RDX: variants seen among roughly 807,000 people sequenced by gnomAD.
RDX encodes the protein radixin, also known as deafness, autosomal recessive 24.
RDX carries 32 observed loss-of-function variants against 83.7 expected under a neutral mutation model. The ratio of observed to expected loss-of-function variants is 0.38; its 90% confidence interval spans 0.29 to 0.51. The LOEUF (loss-of-function observed/expected upper bound fraction) is 0.51, where lower values mean the gene tolerates loss of function less well. Among genes scored for constraint, RDX ranks in the 20% least tolerant of loss-of-function variants. The pLI is 0.87. For synonymous variants in RDX, 229 were observed against 222.7 expected (o/e 1.03, Z -0.25); for missense variants, 600 against 689.9 (o/e 0.87, Z 1.46).
chr11:110,268,406 C>T (rs996411436), intron 3 of RDX, among the ~76,000 whole-genome samples: 1 of 151,134 alleles, frequency 6.6e-6, no homozygotes, highest in African/African-American at 2.4e-5. Context: ...CAATGTCAAA[C>T]AATGAAAAAT....
At chr11:110,206,960 C>A (rs561302946) in intron 14 of RDX, among the ~76,000 whole-genome samples, 1 of 141,032 alleles carries the variant, frequency 7.1e-6, no homozygotes, top group African/African-American at 2.6e-5. Flanking sequence ...CTTTAAAACA[C>A]GCAATTATTT....
At chr11:110,244,707 T>TTA (rs1865239615) in intron 10 of RDX, among the ~76,000 whole-genome samples, 1 of 152,190 alleles carries the variant, frequency 6.6e-6, no homozygotes, top group Non-Finnish European at 1.5e-5. Flanking sequence ...AAATGGGTAA[T>TTA]TACATGGTGT....
chr11:110,211,339 C>T (rs1378165709), intron 14 of RDX, among the ~76,000 whole-genome samples: 6 of 151,882 alleles, frequency 4.0e-5, no homozygotes, highest in Admixed American at 6.6e-5. Context: ...TAAAGCAAGT[C>T]GTGAGTGACC....
chr11:110,237,805 C>T (rs1485816369), intron 10 of RDX, 153 bp from the exon 11 acceptor site: 1 of 875,768 alleles, frequency 1.1e-6, no homozygotes, highest in South Asian at 1.3e-5. Flanking sequence ...TTTCTTGAGA[C>T]AGGGTCTCGC....
chr11:110,243,510 AG>A (rs1252199079), intron 10 of RDX, among the ~76,000 whole-genome samples: 2 of 152,202 alleles, frequency 1.3e-5, no homozygotes, highest in Non-Finnish European at 2.9e-5. Context: ...TGAGGCCAGG[AG>A]TTGGAGACCA....
At chr11:110,291,563 T>C (rs1322327358) in intron 1 of RDX, among the ~76,000 whole-genome samples, 2 of 152,006 alleles carry the variant, frequency 1.3e-5, no homozygotes, top group Non-Finnish European at 2.9e-5. Flanking sequence ...CCTGTCTGGA[T>C]GGGATGCAGC....
chr11:110,211,577 C>T (rs1472925483), intron 14 of RDX, among the ~76,000 whole-genome samples: 3 of 151,308 alleles, frequency 2.0e-5, no homozygotes, highest in Admixed American at 1.3e-4. Context: ...TGACCACATA[C>T]TGGGAAGTAA....
rs564126543 is a variant in RDX at position 110,209,142 on chromosome 11, G to C, written c.1749-9464C>G. 2.0e-5 allele frequency among the ~76,000 whole-genome samples: 3 copies of C among 152,312 alleles called. No individual in the cohort carries two copies. The East Asian group carries it at 5.8e-4, about 29-fold the overall frequency. On this transcript the variant is annotated intron_variant, in intron 14 of 15. Coordinates refer to the RDX transcript ENST00000528498. ...GTCAGTGGATGCGCGCACCGTGCGC[G>C]AGCTGAAGCAGGGCGAGGCATTGCC...
intron 11 of RDX, among the ~76,000 whole-genome samples, chr11:110,237,194 C>T (rs969614524): frequency 2.0e-5 from 3 of 150,152 alleles, no homozygotes; most frequent in African/African-American, 7.4e-5. Context: ...GCAAAAGACG[C>T]CAACTGACTT....
At chr11:110,283,136 T>C (rs1860831947) in intron 1 of RDX, among the ~76,000 whole-genome samples, 1 of 152,188 alleles carries the variant, frequency 6.6e-6, no homozygotes, top group Non-Finnish European at 1.5e-5. Context: ...AATGAAAATG[T>C]AGAGGTTTTG....
intron 14 of RDX, among the ~76,000 whole-genome samples, chr11:110,206,099 T>TA (rs937496617): frequency 7.9e-5 from 12 of 151,330 alleles, no homozygotes; most frequent in African/African-American, 1.5e-4. Flanking sequence ...CTACTAAAAA[T>TA]AAAAAAAATT....
At chr11:110,200,540 T>A (rs11603058) in intron 14 of RDX, among the ~76,000 whole-genome samples, 3,894 of 152,316 alleles carry the variant, frequency 0.026, 74 homozygotes, top group South Asian at 0.039. Context: ...TTACTAGCAA[T>A]CTCTATCTTA....
intron 3 of RDX, among the ~76,000 whole-genome samples, chr11:110,271,295 T>C (rs1004654827): frequency 6.6e-6 from 1 of 152,204 alleles, no homozygotes; most frequent in African/African-American, 2.4e-5. Flanking sequence ...GTATCTAGTG[T>C]TACTTACTGC....
intron 14 of RDX, among the ~76,000 whole-genome samples, chr11:110,210,502 C>G (rs1863792568): frequency 6.7e-6 from 1 of 150,246 alleles, no homozygotes; most frequent in Admixed American, 6.6e-5. Context: ...CACAAAGATA[C>G]TCCTCGAGAA....
chr11:110,262,517 G>A (rs565173926), intron 5 of RDX, among the ~76,000 whole-genome samples: 1 of 151,940 alleles, frequency 6.6e-6, no homozygotes, highest in East Asian at 1.9e-4. Context: ...GAATCCGGGA[G>A]GCGGAGGTTG....
chr11:110,214,083 C>T (rs1233790641), intron 14 of RDX, among the ~76,000 whole-genome samples: 1 of 133,922 alleles, frequency 7.5e-6, no homozygotes, highest in Non-Finnish European at 1.6e-5. Flanking sequence ...ATTTTCGCAA[C>T]CTACTCATCT....
chr11:110,205,190 AAAAT>A (rs1346459985), intron 14 of RDX, among the ~76,000 whole-genome samples: 2 of 152,204 alleles, frequency 1.3e-5, no homozygotes, highest in African/African-American at 4.8e-5. Context: ...TCTAGACAAA[AAAAT>A]AAAATAAAAT....
intron 14 of RDX, among the ~76,000 whole-genome samples, chr11:110,204,666 G>C (rs548274140): frequency 6.6e-6 from 1 of 151,788 alleles, no homozygotes; most frequent in Non-Finnish European, 1.5e-5. Context: ...ACAGGCACAC[G>C]CCACCATGCC....
At chr11:110,284,104 T>G (rs758724743) in intron 1 of RDX, among the ~76,000 whole-genome samples, 2 of 152,236 alleles carry the variant, frequency 1.3e-5, no homozygotes, top group African/African-American at 4.8e-5. Flanking sequence ...CATGCTAAGG[T>G]TGACGAACAA....
Sources: gnomAD v4.1 joint callset for allele counts (sites outside exome capture counted in the v4.1 genomes callset) on GRCh38, gnomAD v4.1.1 for gene constraint, MANE v1.5 for transcripts, NCBI Gene and HGNC (gene_info 2026-07-23, HGNC 2026-07-21) for gene names.